Variants in KRT34 observed in about 807,000 individuals in gnomAD.
KRT34 encodes keratin 34.
Under a neutral mutation model 41.7 loss-of-function variants are expected in KRT34, and 31 were observed. The observed-to-expected ratio is 0.74, with a 90% CI of 0.56 to 1.00. KRT34 has a LOEUF of 1.00. KRT34 is among the 50% of genes least tolerant of loss of function. KRT34 has a pLI of 0.00. For missense variants in KRT34, 523 were observed against 500.3 expected, an observed-to-expected ratio of 1.05 and a Z score of -0.43; for synonymous variants, 224 against 212.9, an observed-to-expected ratio of 1.05 and a Z score of -0.45.
chr17:41,381,635 G>C, intron 2 of KRT34, 78 bp downstream of exon 2: 25 of 1,247,026 alleles, frequency 2.0e-5, no homozygotes, highest in Non-Finnish European at 2.9e-5. Context: ...AGAGAGAAAT[G>C]GCTTTCTCCT....
chr17:41,383,505 A>G (rs2018037775), upstream of KRT34, among the ~76,000 whole-genome samples: 1 of 152,202 alleles, frequency 6.6e-6, no homozygotes, highest in Non-Finnish European at 1.5e-5. Flanking sequence ...AAGAGTAGAA[A>G]TATCTAGAAG....
rs1305548093 is a variant in KRT34, at chr17:41,381,814, C to T, written c.349-19G>A. On this transcript the variant is annotated intron_variant, in intron 1 of 6. Transcript: ENST00000394001. ...ACAGAATCTGAAAAGAAATTTCTCT[C>T]ATGAGGTACACTTGAACTTGAAAAT... 6.2e-7 allele frequency: 1 copy of T among 1,614,088 alleles called. No individual in the cohort carries two copies. Among genetic ancestry groups the T allele is most frequent in the Non-Finnish European group, 8.5e-7 (1 of 1,180,016 alleles).
intron 3 of KRT34, 69 bp from the exon 4 acceptor site, chr17:41,379,800 A>T: frequency 6.8e-7 from 1 of 1,468,652 alleles, no homozygotes; most frequent in Non-Finnish European, 9.2e-7. Context: ...CAGGGAAATG[A>T]GCACAATACT....
intron 3 of KRT34, among the ~76,000 whole-genome samples, 181 bp from the exon 4 acceptor site, chr17:41,379,912 A>AT (rs1378716565): frequency 6.6e-6 from 1 of 151,866 alleles, no homozygotes; most frequent in Non-Finnish European, 1.5e-5. Context: ...TTGCTGTCCC[A>AT]TGGAAGATGT....
Position 41,381,065 on chromosome 17 carries a change from GTTC to G in KRT34, c.576_578del (p.Lys192del), listed in dbSNP as rs2017971171. ...TGAATTTGTTTCATACCTCCTCATG[GTTC>G]TTCTTCAAGCAGATCAGCTCCTCCC... is the stretch of plus-strand genomic sequence containing the variant. On this transcript the variant is annotated inframe_deletion, in exon 3 of 7. Transcript: ENST00000394001. The G allele has an allele frequency of 6.2e-7, 1 of 1,614,034 alleles. No individual in the cohort carries two copies. The highest frequency in any genetic ancestry group is 8.5e-7 in the Non-Finnish European group (1 of 1,179,996).
Position 41,379,005 on chromosome 17 carries a change from C to T in KRT34, c.1048G>A (p.Glu350Lys), listed in dbSNP as rs769002695. ...QVLLDVRARL[E>K]CEINTYRSLL... Reference sequence around the variant, plus strand: ...CTCCGGTACGTGTTGATCTCACACTCCAGCCGGGCACGCACGTCCAGCAGC... The same window carrying T: ...CTCCGGTACGTGTTGATCTCACACTTCAGCCGGGCACGCACGTCCAGCAGC... The change falls in exon 6 of 7, where the codon GAG (glutamate) becomes AAG (lysine). Residue 350 changes from glutamate (E) to lysine (K), a missense_variant. Physicochemically the swap from Glu to Lys is moderately conservative, Grantham distance 56. Coordinates refer to ENST00000394001, the MANE Select transcript of KRT34 (RefSeq NM_001386014.1). 4.0e-5 allele frequency: 65 copies of T among 1,613,572 alleles called. No individual in the cohort carries two copies. Among genetic ancestry groups the T allele is most frequent in the Non-Finnish European group, 5.3e-5 (62 of 1,179,866 alleles).
intron 6 of KRT34, 134 bp downstream of exon 6, chr17:41,378,822 T>A (rs2017903266): frequency 1.6e-6 from 2 of 1,287,420 alleles, no homozygotes; most frequent in East Asian, 4.8e-5. Flanking sequence ...TTTGCTTAGC[T>A]ATCACAGATC....
chr17:41,378,885 G>T, intron 6 of KRT34, 71 bp downstream of exon 6: 1 of 1,588,100 alleles, frequency 6.3e-7, no homozygotes, highest in Non-Finnish European at 8.6e-7. Flanking sequence ...TTGAAAACAT[G>T]GCCACCATTT....
intron 6 of KRT34, 57 bp from the exon 7 acceptor site, chr17:41,378,203 A>T: frequency 9.1e-7 from 1 of 1,103,184 alleles, no homozygotes; most frequent in South Asian, 1.3e-5. Context: ...TGCACACAAT[A>T]CCTTGGGCTT....
intron 3 of KRT34, among the ~76,000 whole-genome samples, chr17:41,380,030 G>A (rs2017947325): frequency 6.6e-6 from 1 of 152,198 alleles, no homozygotes; most frequent in African/African-American, 2.4e-5. Flanking sequence ...GGAGGCAGAG[G>A]CAGGTGGATC....
In KRT34 at chr17:41,382,056, T is replaced by C; in HGVS notation, c.191A>G (p.Asn64Ser). 6.2e-7 allele frequency: 1 copy of C among 1,613,746 alleles called. No homozygotes were observed. The highest frequency in any genetic ancestry group is 8.5e-7 in the Non-Finnish European group (1 of 1,180,042). The change falls in exon 1 of 7, where the codon AAC (asparagine) becomes AGC (serine). Residue 64 changes from asparagine (N) to serine (S), a missense_variant. Transcript: ENST00000394001. Reference sequence around the variant, plus strand: ...CTCCAGGTAGCTGGCCAGGCGGTCGTTCAGGAACTGCATAGTCTCCTTCTC... The same window carrying C: ...CTCCAGGTAGCTGGCCAGGCGGTCGCTCAGGAACTGCATAGTCTCCTTCTC... Reference protein sequence around the residue: ...GSEKETMQFLNDRLASYLEKV... With the variant: ...GSEKETMQFLSDRLASYLEKV...
At position 41,382,275 on chromosome 17, in the gene KRT34, G is replaced by A. The variant is rs763890335; in HGVS notation, c.-29C>T. 6.8e-6 allele frequency: 11 copies of A among 1,613,032 alleles called. No homozygotes were observed. The highest frequency in any genetic ancestry group is 1.3e-5 in the African/African-American group (1 of 74,922). Reference sequence around the variant, plus strand: ...GCTGGAACAGGTAATGGAAAAGCAGGTAAGCTGCTGGAGGTGGATGTGGGC... The same window carrying A: ...GCTGGAACAGGTAATGGAAAAGCAGATAAGCTGCTGGAGGTGGATGTGGGC... On this transcript the variant is annotated 5_prime_UTR_variant, in exon 1 of 7. Transcript: ENST00000394001.
chr17:41,382,352 T>C, upstream of KRT34: 1 of 1,612,264 alleles, frequency 6.2e-7, no homozygotes, highest in East Asian at 2.2e-5. Context: ...TAATTGTGGG[T>C]GGGGGCTTGG....
At position 41,377,842 on chromosome 17, in the gene KRT34, C is replaced by T. The variant is rs1430138660; in HGVS notation, c.*217G>A. 2 of 526,828 alleles carry T rather than the reference C, an allele frequency of 3.8e-6. No individual in the cohort carries two copies. The highest frequency in any genetic ancestry group is 6.0e-5 in the Admixed American group (2 of 33,082). The allele number at this position is 526,828 out of a possible 1,614,324, so 32.6% of individuals were successfully genotyped here. ...CTGAACATCTTTAGAAACAAACAGG[C>T]TCGACCCTCAACAGGAAGGAGTTGT... On this transcript the variant is annotated 3_prime_UTR_variant, in exon 7 of 7. Coordinates refer to ENST00000394001, the MANE Select transcript of KRT34 (RefSeq NM_001386014.1).
Position 41,379,184 on chromosome 17 carries a change from G to A in KRT34, c.877-8C>T, listed in dbSNP as rs763240737. On this transcript the variant is annotated splice_region_variant and splice_polypyrimidine_tract_variant and intron_variant, in intron 5 of 6. Transcript: ENST00000394001. ...GTTTTCCAGAGAGTCTCGCTGTGGT[G>A]GGGAAGATCAGGAATGTCAGAGAGC... 6 of 1,614,098 alleles carry A rather than the reference G, an allele frequency of 3.7e-6. No individual in the cohort carries two copies. The highest frequency in any genetic ancestry group is 1.7e-5 in the Admixed American group (1 of 60,026).
At position 41,382,001 on chromosome 17, in the gene KRT34, C is replaced by T. The variant is rs761821120; in HGVS notation, c.246G>A (p.Ala82=). The T allele has an allele frequency of 4.3e-6, 7 of 1,614,132 alleles. No homozygotes were observed. The highest frequency in any genetic ancestry group is 2.7e-5 in the African/African-American group (2 of 74,960). Residue 82 remains alanine (A), a synonymous_variant, in exon 1 of 7, where the codon GCG becomes GCA. Transcript: ENST00000394001. ...GCTCCTGGATGAGTTTCTCCAGCTC[C>T]GCGTTGTCCCGCTCCAGCTGACGCA... ...EKVRQLERDN[A]ELEKLIQERS...
rs1019112040 is a variant in KRT34, at chr17:41,382,193, G to A, written c.54C>T (p.Ser18=). ...PSLGCRTSCS[S]RPCVPPSCHG... ...GGCAGCTGGGGGGCACGCAGGGCCGGGAGGAGCAGCTGGTGCGGCAGCCCA... is the reference window on the plus strand; with the variant it reads ...GGCAGCTGGGGGGCACGCAGGGCCGAGAGGAGCAGCTGGTGCGGCAGCCCA... The change falls in exon 1 of 7, where the codon TCC becomes TCT. Residue 18 remains serine (S), a synonymous_variant. Coordinates refer to ENST00000394001, the MANE Select transcript of KRT34 (RefSeq NM_001386014.1). The A allele has an allele frequency of 1.2e-6, 2 of 1,612,358 alleles. No homozygotes were observed. The highest frequency in any genetic ancestry group is 2.7e-5 in the African/African-American group (2 of 74,902).
At chr17:41,383,580 T>C (rs1377762026), upstream of KRT34, among the ~76,000 whole-genome samples, 1 of 152,310 alleles carries the variant, frequency 6.6e-6, no homozygotes, top group Middle Eastern at 3.4e-3. Context: ...AGCATGAATA[T>C]GAAGCATAAT....
rs142124448 is a variant in KRT34, at chr17:41,379,143, C to T, written c.910G>A (p.Glu304Lys). ...DSLENTLTES[E>K]AHYSSQLSQV... Reference sequence around the variant, plus strand: ...GACAGCTGGGAGCTGTAGTGGGCCTCGCTCTCCGTCAGCGTGTTTTCCAGA... The same window carrying T: ...GACAGCTGGGAGCTGTAGTGGGCCTTGCTCTCCGTCAGCGTGTTTTCCAGA... Residue 304 changes from glutamate (E) to lysine (K), a missense_variant, in exon 6 of 7, where the codon GAG becomes AAG. Coordinates refer to ENST00000394001, the MANE Select transcript of KRT34 (RefSeq NM_001386014.1). 5.0e-5 allele frequency: 81 copies of T among 1,614,202 alleles called. No homozygotes were observed. Among genetic ancestry groups the T allele is most frequent in the East Asian group, 2.9e-4 (13 of 44,878 alleles).
Sources: allele counts gnomAD v4.1 joint callset (sites outside exome capture counted in the v4.1 genomes callset), GRCh38; gene constraint gnomAD v4.1.1; transcripts MANE v1.5; gene names NCBI Gene and HGNC (gene_info 2026-07-23, HGNC 2026-07-21).